The following COL22A1 variants were observed in gnomAD, a reference collection of about 807,000 sequenced individuals.
COL22A1 encodes collagen type XXII alpha 1 chain.
In COL22A1, 221 loss-of-function variants were observed where a neutral mutation model predicts 248.9. The observed-to-expected ratio is 0.89, with a 90% CI of 0.80 to 0.99. The LOEUF (loss-of-function observed/expected upper bound fraction) is 0.99. Among genes scored for constraint, COL22A1 ranks in the 50% least tolerant of loss-of-function variants. The pLI is 0.00. For missense variants in COL22A1, 2,240 were observed against 2,179.0 expected (o/e 1.03, Z -0.56); for synonymous variants, 891 against 793.4 (o/e 1.12, Z -2.07).
At chr8:138,903,394 G>C (rs924724533) in intron 1 of COL22A1, among the ~76,000 whole-genome samples, 1 of 152,212 alleles carries the variant, frequency 6.6e-6, no homozygotes, top group Admixed American at 6.5e-5. Flanking sequence ...CAATGTTGTG[G>C]TTTGAGTTTT....
At chr8:138,669,495 C>T (rs567524731) in intron 41 of COL22A1, among the ~76,000 whole-genome samples, 1 of 152,308 alleles carries the variant, frequency 6.6e-6, no homozygotes, top group South Asian at 2.1e-4. Flanking sequence ...ACGAAGGAGG[C>T]TCCTGGAGCC....
At position 138,700,146 on chromosome 8, in the gene COL22A1, T is replaced by C; in HGVS notation, c.2560-2A>G. The C allele has an allele frequency of 6.2e-7, 1 of 1,613,396 alleles. No individual in the cohort carries two copies. The highest frequency in any genetic ancestry group is 1.1e-5 in the South Asian group (1 of 90,648). ...TGGATGTGGTGTGAACAGGGATGTC[T>C]GAAAAGGAAACCACAGAGATTAGAA... On this transcript the variant is annotated splice_acceptor_variant, in intron 31 of 64. Transcript: ENST00000303045. LOFTEE classifies it high-confidence loss of function.
chr8:138,879,606 C>T (rs566961092), intron 2 of COL22A1, among the ~76,000 whole-genome samples: 2 of 146,952 alleles, frequency 1.4e-5, no homozygotes, highest in East Asian at 4.1e-4. Flanking sequence ...GCACAAGAAT[C>T]CTTTGAGCCG....
At position 138,753,407 on chromosome 8, in the gene COL22A1, A is replaced by T. The variant is rs145078317; in HGVS notation, c.2031+1750T>A. On this transcript the variant is annotated intron_variant, in intron 21 of 64. Transcript: ENST00000303045. ...TGAACACTCCGAAGGGAATCTTATCACTAACATCATGTATTGTACTAAATC... is the reference window on the plus strand; with the variant it reads ...TGAACACTCCGAAGGGAATCTTATCTCTAACATCATGTATTGTACTAAATC... Among the ~76,000 whole-genome samples the T allele has an allele frequency of 4.4e-3, 667 of 152,324 alleles. 4 individuals are homozygous for T. The highest frequency in any genetic ancestry group is 0.025 in the South Asian group (120 of 4,826).
chr8:138,755,516 G>A lies in COL22A1; in HGVS notation c.1948-5C>T. On this transcript the variant is annotated splice_region_variant and splice_polypyrimidine_tract_variant and intron_variant, in intron 19 of 64. Transcript: ENST00000303045. ...TTTCAAGCCCTCTTGCTGCACCTGA[G>A]AGACAAAGCAAGCATTAGCAAAGGT... 6.2e-7 allele frequency: 1 copy of A among 1,614,066 alleles called. No homozygotes were observed. The highest frequency in any genetic ancestry group is 8.5e-7 in the Non-Finnish European group (1 of 1,179,944).
intron 32 of COL22A1, among the ~76,000 whole-genome samples, chr8:138,698,664 C>T (rs1827715590): frequency 6.6e-6 from 1 of 151,226 alleles, no homozygotes; most frequent in Non-Finnish European, 1.5e-5. Flanking sequence ...CTGTGTCCCT[C>T]ATGCAGTGAG....
intron 3 of COL22A1, among the ~76,000 whole-genome samples, chr8:138,858,041 A>C (rs1822172258): frequency 6.6e-6 from 1 of 152,232 alleles, no homozygotes; most frequent in Non-Finnish European, 1.5e-5. Flanking sequence ...ACCCAAGGTC[A>C]TGGCCCTGGG....
intron 44 of COL22A1, among the ~76,000 whole-genome samples, chr8:138,658,400 C>A (rs1823485559): frequency 6.6e-6 from 1 of 152,216 alleles, no homozygotes; most frequent in South Asian, 2.1e-4. Flanking sequence ...GCCTTGGACA[C>A]ATACCTCAGT....
chr8:138,768,879 G>A (rs1168044158), intron 16 of COL22A1, among the ~76,000 whole-genome samples: 2 of 152,078 alleles, frequency 1.3e-5, no homozygotes, highest in African/African-American at 4.8e-5. Flanking sequence ...AGAGGTTTCA[G>A]TGAGCCGAGA....
chr8:138,703,251 A>T, intron 31 of COL22A1, 55 bp downstream of exon 31: 1 of 1,455,904 alleles, frequency 6.9e-7, no homozygotes, highest in South Asian at 1.1e-5. Context: ...GAGGGGGAGT[A>T]CGAATCCCAA....
At chr8:138,643,886 T>G (rs1330577682) in intron 47 of COL22A1, among the ~76,000 whole-genome samples, 2 of 151,984 alleles carry the variant, frequency 1.3e-5, no homozygotes, top group Non-Finnish European at 2.9e-5. Context: ...TTAGTAGAAA[T>G]GAGGTTTCAC....
chr8:138,639,589 T>G (rs1254031170), intron 47 of COL22A1, among the ~76,000 whole-genome samples: 2 of 152,202 alleles, frequency 1.3e-5, no homozygotes, highest in Non-Finnish European at 2.9e-5. Flanking sequence ...GAAAGAAACT[T>G]CGCCCCACTC....
chr8:138,796,336 T>C (rs763797781), intron 12 of COL22A1, among the ~76,000 whole-genome samples: 3 of 151,462 alleles, frequency 2.0e-5, no homozygotes, highest in South Asian at 2.1e-4. Context: ...TCCAATCTTA[T>C]TGGGGTTTCC....
At chr8:138,786,845 A>G (rs1815571697) in intron 12 of COL22A1, among the ~76,000 whole-genome samples, 1 of 152,170 alleles carries the variant, frequency 6.6e-6, no homozygotes, top group Admixed American at 6.5e-5. Flanking sequence ...CGAAGGTTGC[A>G]GTGAGCCGAG....
At chr8:138,882,812 C>G (rs187154762) in intron 2 of COL22A1, among the ~76,000 whole-genome samples, 168 of 152,060 alleles carry the variant, frequency 1.1e-3, no homozygotes, top group African/African-American at 3.7e-3. Context: ...TTCCTTCACA[C>G]TCCCTCACAC....
At position 138,803,730 on chromosome 8, in the gene COL22A1, C is replaced by T. The variant is rs566281811; in HGVS notation, c.1495-796G>A. 1.1e-4 allele frequency among the ~76,000 whole-genome samples: 16 copies of T among 152,272 alleles called. No individual in the cohort carries two copies. The East Asian group carries it at 2.5e-3, about 24-fold the overall frequency. ...CCAAGTGTTGAACTGGAACCTAAAT[C>T]TCCTGCCATCTCATGAGCCAATCCA... On this transcript the variant is annotated intron_variant, in intron 10 of 64. Coordinates refer to ENST00000303045, the MANE Select transcript of COL22A1 (RefSeq NM_152888.3).
At chr8:138,633,498 G>A (rs952289175) in intron 49 of COL22A1, among the ~76,000 whole-genome samples, 1 of 152,166 alleles carries the variant, frequency 6.6e-6, no homozygotes. Flanking sequence ...GAACTACCAG[G>A]GTGGAGTGGA....
At chr8:138,906,054 T>C (rs548208972) in intron 1 of COL22A1, among the ~76,000 whole-genome samples, 25 of 152,228 alleles carry the variant, frequency 1.6e-4, no homozygotes, top group African/African-American at 5.5e-4. Flanking sequence ...TCATGGATCT[T>C]AGCACTCTAC....
chr8:138,706,733 G>A (rs1008398819), intron 30 of COL22A1, among the ~76,000 whole-genome samples: 2 of 152,034 alleles, frequency 1.3e-5, no homozygotes, highest in South Asian at 4.1e-4. Context: ...AAGAACTAGA[G>A]AAGCAAGAGC....
Sources: allele counts gnomAD v4.1 joint callset (sites outside exome capture counted in the v4.1 genomes callset), GRCh38; gene constraint gnomAD v4.1.1; transcripts MANE v1.5; gene names NCBI Gene and HGNC (gene_info 2026-07-23, HGNC 2026-07-21).